The following SEMA3B variants were observed in gnomAD, a reference collection of about 807,000 sequenced individuals.
The protein encoded by SEMA3B is semaphorin 3B, also known as semaphorin-3B.
Under a neutral mutation model 77.8 loss-of-function variants are expected in SEMA3B, and 71 were observed. The ratio of observed to expected loss-of-function variants is 0.91; its 90% CI spans 0.75 to 1.11. The LOEUF (loss-of-function observed/expected upper bound fraction) is 1.11, where lower values mean the gene tolerates loss of function less well. Ranked by LOEUF, SEMA3B falls within the 50% of genes most tolerant of loss-of-function variation. The pLI is 0.00. For missense variants in SEMA3B, 968 were observed against 1,056.8 expected (o/e 0.92, Z 1.17); for synonymous variants, 470 against 452.9 (o/e 1.04, Z -0.48).
rs1553705817 is a variant in SEMA3B at position 50,273,547 on chromosome 3, G to A, written c.823G>A (p.Gly275Ser). 2 of 1,612,758 alleles carry A rather than the reference G, an allele frequency of 1.2e-6. No individual in the cohort carries two copies. The highest frequency in any genetic ancestry group is 2.2e-5 in the South Asian group (2 of 91,032). ...ATCGTCCCGGCAGAACGACGTGGGC[G>A]GCCAGCGCAGCCTGGTCAACAAGTG... ...VGQICRNDVG[G>S]QRSLVNKWTT... The change falls in exon 8 of 17, where the codon GGC becomes AGC. Residue 275 changes from glycine to serine, a missense_variant. Coordinates refer to ENST00000616701, the MANE Select transcript of SEMA3B (RefSeq NM_001290060.2). This position sits in a 1 kb window ranked among gnomAD's most constrained non-coding sequence, Gnocchi z 6.5.
chr3:50,267,634 C>G (rs376373747), upstream of SEMA3B: 1 of 152,176 alleles, frequency 6.6e-6, no homozygotes, highest in African/African-American at 2.4e-5. The surrounding 1 kb of genome is among the most constrained non-coding windows in gnomAD (Gnocchi z 5.7). Context: ...TTAAAGGAGC[C>G]GTCAGAGGGT....
Position 50,273,246 on chromosome 3 carries a change from C to T in SEMA3B, c.665-52C>T. The T allele has an allele frequency of 1.3e-6, 2 of 1,577,184 alleles. No individual in the cohort carries two copies. The highest frequency in any genetic ancestry group is 1.7e-6 in the Non-Finnish European group (2 of 1,161,056). ...AAGGGGAAGCAGCGCGTGGGTCTCG[C>T]ATCAGGAGGCAAGGCCAGGACCCGC... On this transcript the variant is annotated intron_variant, in intron 6 of 16. Transcript: ENST00000616701. This position sits in a 1 kb window ranked among gnomAD's most constrained non-coding sequence, Gnocchi z 6.5.
At position 50,273,748 on chromosome 3, in the gene SEMA3B, C is replaced by T; in HGVS notation, c.923-11C>T. 6.2e-7 allele frequency: 1 copy of T among 1,604,192 alleles called. No individual in the cohort carries two copies. Among genetic ancestry groups the T allele is most frequent in the East Asian group, 2.2e-5 (1 of 44,652 alleles). ...TGTGCGCCCTACCCCAGCTAGGCCC[C>T]TTCCCCGCAGAGGATGTGTTTCTGT... On this transcript the variant is annotated splice_polypyrimidine_tract_variant and intron_variant, in intron 8 of 16. Transcript: ENST00000616701. This position sits in a 1 kb window ranked among gnomAD's most constrained non-coding sequence, Gnocchi z 6.5.
chr3:50,275,607 G>A lies in SEMA3B; in HGVS notation c.1697G>A (p.Cys566Tyr). ...DVRNGDPSTL[C>Y]SGDSSRPALL... ...AGGAATGGCGACCCCAGCACGTTGT[G>A]CTCCGGAGGTGAGTGCCCCAGCTGC... The change falls in exon 15 of 17, where the codon TGC (cysteine) becomes TAC (tyrosine). Residue 566 changes from cysteine (C) to tyrosine (Y), a missense_variant. Transcript: ENST00000616701. The surrounding 1 kb of genome is among the most constrained non-coding windows in gnomAD (Gnocchi z 7.5). The A allele has an allele frequency of 6.2e-7, 1 of 1,613,720 alleles. No individual in the cohort carries two copies. The highest frequency in any genetic ancestry group is 8.5e-7 in the Non-Finnish European group (1 of 1,179,890).
Position 50,274,414 on chromosome 3 carries a change from G to A in SEMA3B, c.1189G>A (p.Asp397Asn). ...TFSSTKDFPD[D>N]VIQFARNHPL... ...CAGTTCCACCAAGGACTTCCCAGAC[G>A]ATGTCATCCAGTTTGCGCGGAACCA... The change falls in exon 11 of 17, where the codon GAT becomes AAT. Residue 397 changes from aspartate (D) to asparagine (N), a missense_variant. Transcript: ENST00000616701. This position sits in a 1 kb window ranked among gnomAD's most constrained non-coding sequence, Gnocchi z 4.7. 1 of 1,504,282 alleles carries A rather than the reference G, an allele frequency of 6.6e-7. No homozygotes were observed. Among genetic ancestry groups the A allele is most frequent in the Non-Finnish European group, 8.9e-7 (1 of 1,127,300 alleles). 93.2% of individuals were successfully genotyped at this position (1,504,282 alleles called of 1,614,324 possible).
In SEMA3B at chr3:50,269,176, C is replaced by T. The variant is rs1700974809; in HGVS notation, c.-65C>T. 8.2e-7 allele frequency: 1 copy of T among 1,216,866 alleles called. No homozygotes were observed. The highest frequency in any genetic ancestry group is 2.5e-5 in the East Asian group (1 of 39,468). 75.4% of individuals were successfully genotyped at this position (1,216,866 alleles called of 1,614,324 possible). ...CCTCTTCCAGATCCTGGGGCAGAGT[C>T]CAGGGCAGCTCAAGGCTCCTCCACA... On this transcript the variant is annotated 5_prime_UTR_variant, in exon 1 of 17. Transcript: ENST00000616701. This position sits in a 1 kb window ranked among gnomAD's most constrained non-coding sequence, Gnocchi z 4.0.
chr3:50,270,903 A>G lies in SEMA3B; in HGVS notation c.344A>G (p.Asn115Ser). 1.2e-6 allele frequency: 2 copies of G among 1,607,454 alleles called. No homozygotes were observed. The highest frequency in any genetic ancestry group is 1.1e-5 in the South Asian group (1 of 89,592). The change falls in exon 4 of 17, where the codon AAC (asparagine) becomes AGC (serine). Residue 115 changes from asparagine (N) to serine (S), a missense_variant. Asn to Ser is a conservative substitution (Grantham distance 46). Transcript: ENST00000616701. The surrounding 1 kb of genome is among the most constrained non-coding windows in gnomAD (Gnocchi z 4.7). ...AGKDIGTECM[N>S]FVKLLHAYNR... ...CAACCCTACTAGACTGAGTGCATGA[A>G]CTTCGTGAAGTTGCTGCATGCCTAC...
upstream of SEMA3B, among the ~76,000 whole-genome samples, chr3:50,265,347 T>C (rs1255025382): frequency 6.6e-6 from 1 of 152,112 alleles, no homozygotes; most frequent in Non-Finnish European, 1.5e-5. Context: ...GCGCCCAAGA[T>C]CCCATCCAGT....
At chr3:50,266,484 G>A (rs1700900430), upstream of SEMA3B, among the ~76,000 whole-genome samples, 1 of 152,176 alleles carries the variant, frequency 6.6e-6, no homozygotes, top group Admixed American at 6.5e-5. Context: ...CACTTCCAGG[G>A]GACTTGGAGA....
Position 50,270,048 on chromosome 3 carries a change from G to A in SEMA3B, c.110-79G>A, listed in dbSNP as rs1286885356. 4.9e-6 allele frequency: 7 copies of A among 1,427,284 alleles called. No homozygotes were observed. Among genetic ancestry groups the A allele is most frequent in the African/African-American group, 1.4e-5 (1 of 69,680 alleles). The allele number at this position is 1,427,284 out of a possible 1,614,324, so 88.4% of individuals were successfully genotyped here. A position where few individuals can be genotyped will look rare whatever the true frequency, so the allele number is the denominator to read the frequency against. Reference sequence around the variant, plus strand: ...CCAGGTCCTAATGGCAACCTTGGCCGATAGAGTCACCACCAGGCAGGACCT... The same window carrying A: ...CCAGGTCCTAATGGCAACCTTGGCCAATAGAGTCACCACCAGGCAGGACCT... On this transcript the variant is annotated intron_variant, in intron 1 of 16. Transcript: ENST00000616701. The surrounding 1 kb of genome is among the most constrained non-coding windows in gnomAD (Gnocchi z 4.7).
rs377116872 is a variant in SEMA3B, at chr3:50,274,018, G to A, written c.1098G>A (p.Val366=). ...AHKEGPMHQW[V]SYQGRVPYPR... is the part of the protein sequence containing the mutation. ...AGGAGGGGCCCATGCACCAGTGGGT[G>A]TCATACCAGGGTCGCGTCCCCTACC... The change falls in exon 10 of 17, where the codon GTG becomes GTA. Residue 366 remains valine (V), a synonymous_variant. Transcript: ENST00000616701. The surrounding 1 kb of genome is among the most constrained non-coding windows in gnomAD (Gnocchi z 4.7). 2.0e-5 allele frequency: 33 copies of A among 1,613,468 alleles called. No homozygotes were observed. Among genetic ancestry groups the A allele is most frequent in the Non-Finnish European group, 3.4e-6 (4 of 1,179,766 alleles).
Position 50,270,429 on chromosome 3 carries a change from A to C in SEMA3B, c.268-4A>C. 6.2e-7 allele frequency: 1 copy of C among 1,613,722 alleles called. No individual in the cohort carries two copies. The highest frequency in any genetic ancestry group is 8.5e-7 in the Non-Finnish European group (1 of 1,179,824). ...GTGTCCCCTCTCCCCCAACCTCCCG[A>C]TAGCTGGCCTGGCCGGCCCCTGTGG... On this transcript the variant is annotated splice_polypyrimidine_tract_variant and splice_region_variant and intron_variant, in intron 2 of 16. Transcript: ENST00000616701. The surrounding 1 kb of genome is among the most constrained non-coding windows in gnomAD (Gnocchi z 4.7).
chr3:50,271,005 C>G lies in SEMA3B; in HGVS notation c.446C>G (p.Ala149Gly). The G allele has an allele frequency of 6.2e-7, 1 of 1,602,240 alleles. No homozygotes were observed. The highest frequency in any genetic ancestry group is 1.7e-4 in the Middle Eastern group (1 of 6,052). The change falls in exon 4 of 17, where the codon GCA becomes GGA. Residue 149 changes from alanine to glycine, a missense_variant. Physicochemically the swap from Ala to Gly is moderately conservative, Grantham distance 60 (BLOSUM62 0). Coordinates refer to ENST00000616701, the MANE Select transcript of SEMA3B (RefSeq NM_001290060.2). ...GCCTTTGTGGAAGTGGGCCACCGGG[C>G]AGAGGTAAGGCCGGATCTAGGCAGG... ...TCAFVEVGHR[A>G]EEPVLRLDPG...
In SEMA3B at chr3:50,271,093, C is replaced by A; in HGVS notation, c.456C>A (p.Pro152=). Residue 152 remains proline (P), a synonymous_variant, in exon 5 of 17, where the codon CCC becomes CCA. Transcript: ENST00000616701. ...FVEVGHRAEE[P]VLRLDPGRIE... ...CAACTTGCCACACCTCCCAGGAGCC[C>A]GTCCTCCGGCTGGACCCAGGAAGGA... The A allele has an allele frequency of 6.3e-7, 1 of 1,579,226 alleles. No individual in the cohort carries two copies. The highest frequency in any genetic ancestry group is 2.3e-5 in the East Asian group (1 of 43,066).
chr3:50,276,618 T>A lies in SEMA3B; in HGVS notation c.2162T>A (p.Leu721Gln), dbSNP rs1174073140. 8 of 1,591,036 alleles carry A rather than the reference T, an allele frequency of 5.0e-6. No homozygotes were observed. Among genetic ancestry groups the A allele is most frequent in the Non-Finnish European group, 5.1e-6 (6 of 1,173,944 alleles). Residue 721 changes from leucine (L) to glutamine (Q), a missense_variant, in exon 17 of 17, where the codon CTG becomes CAG. Transcript: ENST00000616701. This position sits in a 1 kb window ranked among gnomAD's most constrained non-coding sequence, Gnocchi z 5.8. ...CAGCCTGCGCTGCAGTCACTGCCCC[T>A]GGAGTCGCGGAGAAAGGGCCGTAAC... ...RPQPALQSLP[L>Q]ESRRKGRNRR...
rs782510037 is a variant in SEMA3B at position 50,275,005 on chromosome 3, C to G, written c.1450-7C>G. The G allele has an allele frequency of 1.3e-5, 21 of 1,595,324 alleles. No homozygotes were observed. Among genetic ancestry groups the G allele is most frequent in the Middle Eastern group, 3.5e-4 (2 of 5,676 alleles). ...GCCCTGACCCCGTCGCCCCTCCTCC[C>G]TCTCAGGACTCGGCCGCTGTCACCA... On this transcript the variant is annotated splice_polypyrimidine_tract_variant and splice_region_variant and intron_variant, in intron 12 of 16. Coordinates refer to ENST00000616701, the MANE Select transcript of SEMA3B (RefSeq NM_001290060.2). The surrounding 1 kb of genome is among the most constrained non-coding windows in gnomAD (Gnocchi z 7.5).
upstream of SEMA3B, among the ~76,000 whole-genome samples, chr3:50,265,415 C>T (rs1047949484): frequency 1.3e-5 from 2 of 152,184 alleles, no homozygotes; most frequent in Non-Finnish European, 2.9e-5. Context: ...CCACCCCAAC[C>T]ACACCACCCG....
rs1701149459 is a variant in SEMA3B, at chr3:50,274,327, A to G, written c.1138-36A>G. ...GGCTGCCTATCAAGCCCCCATATCT[A>G]TATCCCTGCTGTGCCTCCCTTTCCC... On this transcript the variant is annotated intron_variant, in intron 10 of 16. Coordinates refer to ENST00000616701, the MANE Select transcript of SEMA3B (RefSeq NM_001290060.2). The surrounding 1 kb of genome is among the most constrained non-coding windows in gnomAD (Gnocchi z 4.7). The G allele has an allele frequency of 6.9e-7, 1 of 1,449,728 alleles. No individual in the cohort carries two copies. Among genetic ancestry groups the G allele is most frequent in the Non-Finnish European group, 9.2e-7 (1 of 1,081,412 alleles). 89.8% of individuals were successfully genotyped at this position (1,449,728 alleles called of 1,614,324 possible). A position where few individuals can be genotyped will look rare whatever the true frequency, so the allele number is the denominator to read the frequency against.
intron 6 of SEMA3B, among the ~76,000 whole-genome samples, chr3:50,272,855 A>AAATAATAATAATAATAAT (rs55666696): frequency 0.11 from 16,400 of 145,376 alleles, 1,440 homozygotes; most frequent in African/African-American, 0.24. Context: ...ATAAATAAAC[A>AAATAATAATAATAATAAT]AATAATAATA....
Sources: allele counts gnomAD v4.1 joint callset (sites outside exome capture counted in the v4.1 genomes callset), GRCh38; gene constraint gnomAD v4.1.1; non-coding constraint Gnocchi (gnomAD v3.1); transcripts MANE v1.5; gene names NCBI Gene and HGNC (gene_info 2026-07-23, HGNC 2026-07-21).